KAZN: variants seen among roughly 807,000 people sequenced by gnomAD.
KAZN encodes kazrin, periplakin interacting protein, also known as kazrin.
A neutral mutation model predicts 87.4 loss-of-function variants in KAZN; 40 were observed. That is an observed-to-expected ratio of 0.46 (90% CI 0.36 to 0.60). The LOEUF is 0.60. KAZN is among the 20% of genes least tolerant of loss of function. The probability of loss-of-function intolerance (pLI) is 0.00; values close to 1 mark genes in which losing one functional copy is unlikely to be tolerated. For missense variants in KAZN, 898 were observed against 1,073.9 expected, an observed-to-expected ratio of 0.84 and a Z score of 2.29; for synonymous variants, 466 against 458.3, an observed-to-expected ratio of 1.02 and a Z score of -0.22.
intron 1 of KAZN, among the ~76,000 whole-genome samples, chr1:13,929,293 T>A (rs1016885218): frequency 6.6e-5 from 10 of 152,160 alleles, no homozygotes; most frequent in African/African-American, 2.4e-4. Flanking sequence ...GTGTTTTGTC[T>A]TGAACGTGTC....
intron 1 of KAZN, among the ~76,000 whole-genome samples, chr1:13,937,000 T>G (rs1041610902): frequency 6.6e-6 from 1 of 152,094 alleles, no homozygotes; most frequent in Non-Finnish European, 1.5e-5. Context: ...CTTGTATATC[T>G]TCTTTTGAAA....
intron 2 of KAZN, among the ~76,000 whole-genome samples, chr1:14,563,981 C>A (rs1674404416): frequency 6.7e-6 from 1 of 149,756 alleles, no homozygotes; most frequent in Admixed American, 6.7e-5. Context: ...GTGATTCTCC[C>A]ATCTCAGCCT....
Position 14,737,736 on chromosome 1 carries a change from G to T in KAZN, c.226+138513G>T, listed in dbSNP as rs1449713158. 3.9e-5 allele frequency among the ~76,000 whole-genome samples: 6 copies of T among 152,252 alleles called. No individual in the cohort carries two copies. In the South Asian group the frequency reaches 1.2e-3, roughly 32 times the overall value. On this transcript the variant is annotated intron_variant, in intron 1 of 14. Transcript: ENST00000376030. ...GGTTATTGATGGAAATCTGTTCTTTGCAGCTGTAAGACTGAGGCCACTGTT... is the reference window on the plus strand; with the variant it reads ...GGTTATTGATGGAAATCTGTTCTTTTCAGCTGTAAGACTGAGGCCACTGTT...
chr1:14,509,755 TAC>T (rs1670802656), intron 2 of KAZN, among the ~76,000 whole-genome samples: 1 of 151,992 alleles, frequency 6.6e-6, no homozygotes, highest in Non-Finnish European at 1.5e-5. Context: ...GAAAAATAAA[TAC>T]ACACTCATCT....
At chr1:14,793,485 C>T (rs1431780933) in intron 1 of KAZN, among the ~76,000 whole-genome samples, 2 of 152,160 alleles carry the variant, frequency 1.3e-5, no homozygotes, top group East Asian at 3.9e-4. Flanking sequence ...CTATATGGCC[C>T]CAAACCAATT....
In KAZN at chr1:14,789,558, T is replaced by C. The variant is rs115011758; in HGVS notation, c.227-171126T>C. Among the ~76,000 whole-genome samples the C allele has an allele frequency of 4.7e-3, 712 of 152,166 alleles. 7 individuals are homozygous for C. Among genetic ancestry groups the C allele is most frequent in the African/African-American group, 0.016 (677 of 41,500 alleles). The stretch of plus-strand genomic sequence containing the variant: ...ACCAGTCGGGACCCTTCCAGGTTCA[T>C]CTCTGATTCTACATTCTCCATGTCT... On this transcript the variant is annotated intron_variant, in intron 1 of 14. Coordinates refer to ENST00000376030, the MANE Select transcript of KAZN (RefSeq NM_201628.3).
chr1:14,674,416 G>C (rs985604191), intron 1 of KAZN, among the ~76,000 whole-genome samples: 1 of 152,204 alleles, frequency 6.6e-6, no homozygotes, highest in Non-Finnish European at 1.5e-5. Context: ...GGTCACCCTG[G>C]GCTCCTGGAA....
intron 1 of KAZN, among the ~76,000 whole-genome samples, chr1:13,998,461 T>G (rs549524889): frequency 2.6e-5 from 4 of 152,280 alleles, no homozygotes; most frequent in African/African-American, 9.6e-5. Flanking sequence ...TCCATTGGTG[T>G]GCTGTATTCA....
At chr1:14,857,906 C>T (rs1457120829) in intron 1 of KAZN, among the ~76,000 whole-genome samples, 1 of 152,102 alleles carries the variant, frequency 6.6e-6, no homozygotes, top group East Asian at 1.9e-4. Context: ...AATTTTAGAG[C>T]ATTTTCATCA....
At chr1:14,815,902 C>G (rs1646548838) in intron 1 of KAZN, among the ~76,000 whole-genome samples, 3 of 152,200 alleles carry the variant, frequency 2.0e-5, no homozygotes, top group Admixed American at 2.0e-4. Flanking sequence ...TCTCTGTCTC[C>G]AAGGTAGCAA....
chr1:14,363,034 A>G (rs1659652923), intron 2 of KAZN, among the ~76,000 whole-genome samples: 1 of 152,154 alleles, frequency 6.6e-6, no homozygotes, highest in South Asian at 2.1e-4. Flanking sequence ...CCTATGAAGA[A>G]GCAGCTGCCT....
intron 1 of KAZN, among the ~76,000 whole-genome samples, chr1:14,714,801 T>TG (rs1194287365): frequency 3.4e-5 from 5 of 148,586 alleles, no homozygotes; most frequent in East Asian, 3.9e-4. Context: ...TTTTTTGTTT[T>TG]TTTTTTTTTT....
intron 2 of KAZN, among the ~76,000 whole-genome samples, chr1:14,588,058 C>T (rs1675966841): frequency 6.6e-6 from 1 of 152,150 alleles, no homozygotes; most frequent in South Asian, 2.1e-4. Context: ...GCTGTAAGAC[C>T]TTGGGGGAGT....
At chr1:14,867,421 G>A (rs1651591111) in intron 1 of KAZN, among the ~76,000 whole-genome samples, 1 of 152,174 alleles carries the variant, frequency 6.6e-6, no homozygotes, top group South Asian at 2.1e-4. Flanking sequence ...ACCTGACTCT[G>A]GCCATGGTGC....
chr1:15,110,125 GTA>G (rs1411720250), intron 13 of KAZN, among the ~76,000 whole-genome samples: 1 of 148,564 alleles, frequency 6.7e-6, no homozygotes, highest in Non-Finnish European at 1.5e-5. Context: ...GTGTATTTGT[GTA>G]TGTGTCTGTG....
chr1:15,056,014 G>T lies in KAZN; in HGVS notation c.727-77G>T. ...AGGATCCGGGCTTTCTCCCCATGGC[G>T]GTGGGTGGTGCCAAGCAGCTGGCCA... is the stretch of plus-strand genomic sequence containing the variant. On this transcript the variant is annotated intron_variant, in intron 4 of 14. Transcript: ENST00000376030. The surrounding 1 kb of genome is among the most constrained non-coding windows in gnomAD (Gnocchi z 5.4). 1.4e-6 allele frequency: 2 copies of T among 1,408,276 alleles called. No individual in the cohort carries two copies. The highest frequency in any genetic ancestry group is 2.0e-6 in the Non-Finnish European group (2 of 1,013,546). 87.2% of individuals were successfully genotyped at this position (1,408,276 alleles called of 1,614,324 possible). A position where few individuals can be genotyped will look rare whatever the true frequency, so the allele number is the denominator to read the frequency against.
intron 2 of KAZN, among the ~76,000 whole-genome samples, chr1:14,497,792 A>T (rs1057330263): frequency 1.3e-5 from 2 of 152,052 alleles, no homozygotes; most frequent in Non-Finnish European, 2.9e-5. Flanking sequence ...CCCTTTGGGA[A>T]CTATTGGGTG....
chr1:14,424,367 G>A (rs537718685), intron 2 of KAZN, among the ~76,000 whole-genome samples: 4 of 152,256 alleles, frequency 2.6e-5, no homozygotes, highest in South Asian at 4.1e-4. Context: ...TAGGCCCTTC[G>A]TCTAAAGTCT....
chr1:14,238,549 C>T (rs1361515100), intron 2 of KAZN, among the ~76,000 whole-genome samples: 1 of 152,244 alleles, frequency 6.6e-6, no homozygotes, highest in East Asian at 1.9e-4. Flanking sequence ...AACAAACAAA[C>T]AAGCAACAAC....
Sources: gnomAD v4.1 joint callset for allele counts (sites outside exome capture counted in the v4.1 genomes callset) on GRCh38, gnomAD v4.1.1 for gene constraint, Gnocchi (gnomAD v3.1) non-coding constraint, MANE v1.5 for transcripts, NCBI Gene and HGNC (gene_info 2026-07-23, HGNC 2026-07-21) for gene names.